Variants in WIPF2 observed in about 807,000 individuals in gnomAD.
The protein encoded by WIPF2 is WAS/WASL-interacting protein family member 2.
A neutral mutation model predicts 38.8 loss-of-function variants in WIPF2; 23 were observed. The ratio of observed to expected loss-of-function variants is 0.59; its 90% CI spans 0.43 to 0.84. WIPF2 has a LOEUF of 0.84. Ranked by LOEUF, WIPF2 falls within the 40% of genes least tolerant of loss-of-function variation. WIPF2 has a pLI of 0.00. For missense variants in WIPF2, 574 were observed against 580.5 expected (o/e 0.99, Z 0.11); for synonymous variants, 210 against 223.2 (o/e 0.94, Z 0.53).
chr17:40,273,343 A>G (rs1437605390), intron 5 of WIPF2, among the ~76,000 whole-genome samples: 2 of 152,150 alleles, frequency 1.3e-5, no homozygotes, highest in Non-Finnish European at 2.9e-5. Context: ...CCACAGTTTG[A>G]GACTTTATGA....
intron 1 of WIPF2, among the ~76,000 whole-genome samples, chr17:40,253,057 CG>C (rs2031608552): frequency 6.6e-6 from 1 of 150,622 alleles, no homozygotes; most frequent in Admixed American, 6.6e-5. Context: ...TTAGCCACCG[CG>C]CCTGGACTTT....
In WIPF2 at chr17:40,225,388, A is replaced by G. The variant is rs77872506; in HGVS notation, c.-70+5896A>G. ...GAACAACAATGTTAATAGGAAAAAA[A>G]GGTGATATGTTTGCTAATGTCTATG... On this transcript the variant is annotated intron_variant, in intron 1 of 7. Transcript: ENST00000323571. Among the ~76,000 whole-genome samples the G allele has an allele frequency of 2.2e-3, 332 of 152,250 alleles. 1 individual carries two copies. Among genetic ancestry groups the G allele is most frequent in the African/African-American group, 7.8e-3 (323 of 41,560 alleles).
chr17:40,260,038 A>G (rs1380868075), intron 2 of WIPF2, among the ~76,000 whole-genome samples: 1 of 152,152 alleles, frequency 6.6e-6, no homozygotes, highest in Non-Finnish European at 1.5e-5. Context: ...TTCACAGAAG[A>G]TAGAACAGGA....
chr17:40,220,571 GTGTATATATA>G (rs2030138347), intron 1 of WIPF2: 1 of 85,636 alleles, frequency 1.2e-5, no homozygotes, highest in East Asian at 2.7e-4. Flanking sequence ...ACGTGTGTGT[GTGTATATATA>G]TATATATATA....
rs538120768 is a variant in WIPF2 at position 40,239,102 on chromosome 17, C to T, written c.-69-17289C>T. Among the ~76,000 whole-genome samples, 648 of 149,012 alleles carry T rather than the reference C, an allele frequency of 4.3e-3. 2 individuals are homozygous for T. The highest frequency in any genetic ancestry group is 7.6e-3 in the Non-Finnish European group (511 of 67,280). On this transcript the variant is annotated intron_variant, in intron 1 of 7. Transcript: ENST00000323571. ...TATTTATTTATTTGAGACGGAGTCT[C>T]GCTCTGTCGCCCAGGCTGGAATGCA... is the stretch of plus-strand genomic sequence containing the variant.
At chr17:40,252,389 C>T (rs58514038) in intron 1 of WIPF2, among the ~76,000 whole-genome samples, 3 of 152,296 alleles carry the variant, frequency 2.0e-5, no homozygotes, top group East Asian at 3.9e-4. Flanking sequence ...CCAGGCCGGG[C>T]ATGGTGGCTC....
intron 5 of WIPF2, among the ~76,000 whole-genome samples, chr17:40,270,678 T>C (rs2145403913): frequency 6.6e-6 from 1 of 152,290 alleles, no homozygotes; most frequent in East Asian, 1.9e-4. Flanking sequence ...AAGAAGCTTC[T>C]ATTCTTAAAG....
chr17:40,229,866 G>A (rs190689981), intron 1 of WIPF2, among the ~76,000 whole-genome samples: 1 of 152,330 alleles, frequency 6.6e-6, no homozygotes, highest in Admixed American at 6.5e-5. Context: ...TGAAACCTAA[G>A]AATGAAGGGA....
At chr17:40,248,343 A>G (rs980889220) in intron 1 of WIPF2, among the ~76,000 whole-genome samples, 3 of 150,888 alleles carry the variant, frequency 2.0e-5, no homozygotes, top group Admixed American at 1.3e-4. Context: ...TTTTTTTATA[A>G]TTTTAGTAGA....
chr17:40,220,776 GTTT>G (rs773127708), intron 1 of WIPF2, among the ~76,000 whole-genome samples: 2 of 125,940 alleles, frequency 1.6e-5, no homozygotes, highest in Non-Finnish European at 1.7e-5. Flanking sequence ...CCCAGAATTC[GTTT>G]TTTTTTTTTT....
chr17:40,276,455 A>C lies in WIPF2; in HGVS notation c.1181-628A>C, dbSNP rs1299293685. Among the ~76,000 whole-genome samples, 3 of 123,192 alleles carry C rather than the reference A, an allele frequency of 2.4e-5. No individual in the cohort carries two copies. In the East Asian group the frequency reaches 8.0e-4, roughly 33 times the overall value. The allele number at this position is 123,192 out of a possible 152,430, so 80.8% of individuals were successfully genotyped here. A position where few individuals can be genotyped will look rare whatever the true frequency, so the allele number is the denominator to read the frequency against. On this transcript the variant is annotated intron_variant, in intron 6 of 7. Coordinates refer to ENST00000323571, the MANE Select transcript of WIPF2 (RefSeq NM_133264.5). ...AGAATCGCTTGAACTTGGGAGGTGG[A>C]GGTTGCAGTGAGCCAAGATCATGCC...
rs547205321 is a variant in WIPF2, at chr17:40,270,714, T to G, written c.971-3076T>G. Among the ~76,000 whole-genome samples the G allele has an allele frequency of 2.0e-5, 3 of 152,226 alleles. No individual in the cohort carries two copies. The East Asian group carries it at 5.8e-4, about 29-fold the overall frequency. On this transcript the variant is annotated intron_variant, in intron 5 of 7. Transcript: ENST00000323571. ...AGCTTTAGTTTGAGTAGATTTGGAA[T>G]CAAAACAAGGCTCAGAGATCTGCTG...
chr17:40,263,546 T>TTCCCC (rs2031980621), intron 4 of WIPF2, among the ~76,000 whole-genome samples: 9 of 85,912 alleles, frequency 1.0e-4, no homozygotes, highest in Non-Finnish European at 2.1e-4. Context: ...TATTTATTCG[T>TTCCCC]CCCCCCCCCC....
At chr17:40,236,447 T>G (rs1375570287) in intron 1 of WIPF2, among the ~76,000 whole-genome samples, 4 of 146,702 alleles carry the variant, frequency 2.7e-5, no homozygotes, top group African/African-American at 7.7e-5. Context: ...GAGCGATTCT[T>G]TTGCCTCAGC....
In WIPF2 at chr17:40,230,350, A is replaced by T. The variant is rs2030687502; in HGVS notation, c.-70+10858A>T. The stretch of plus-strand genomic sequence containing the variant: ...GTGAGACCCTGTTTCAAAAAACAAC[A>T]ACTAAAAGAGTAATAGGATAGTGAA... On this transcript the variant is annotated intron_variant, in intron 1 of 7. Transcript: ENST00000323571. 2.6e-5 allele frequency among the ~76,000 whole-genome samples: 4 copies of T among 152,168 alleles called. No homozygotes were observed. The South Asian group carries it at 8.3e-4, about 31-fold the overall frequency.
chr17:40,227,060 G>T (rs1308881064), intron 1 of WIPF2, among the ~76,000 whole-genome samples: 3 of 148,468 alleles, frequency 2.0e-5, no homozygotes, highest in African/African-American at 7.5e-5. Context: ...ATTTTTTTTT[G>T]AGACAGAGTT....
chr17:40,223,675 C>G (rs1231243345), intron 1 of WIPF2, among the ~76,000 whole-genome samples: 1 of 148,922 alleles, frequency 6.7e-6, no homozygotes, highest in African/African-American at 2.5e-5. Flanking sequence ...TCTCTGCTCA[C>G]TGCAACCTCC....
chr17:40,263,785 TG>T (rs2145384281), intron 4 of WIPF2, among the ~76,000 whole-genome samples: 1 of 151,698 alleles, frequency 6.6e-6, no homozygotes, highest in East Asian at 2.0e-4. Flanking sequence ...TCAAGTGATC[TG>T]TCCACCTTGG....
intron 6 of WIPF2, among the ~76,000 whole-genome samples, chr17:40,274,617 A>G (rs562619423): frequency 5.3e-5 from 8 of 150,128 alleles, no homozygotes; most frequent in African/African-American, 1.9e-4. Context: ...TTGCCTGGAA[A>G]GAAAAAAGAA....
Sources: allele counts gnomAD v4.1 joint callset (sites outside exome capture counted in the v4.1 genomes callset), GRCh38; gene constraint gnomAD v4.1.1; transcripts MANE v1.5; gene names NCBI Gene and HGNC (gene_info 2026-07-23, HGNC 2026-07-21).